The following CLDN10 variants were observed in gnomAD, a reference collection of about 807,000 sequenced individuals.
CLDN10 encodes the protein claudin 10, also known as claudin-10.
Under a neutral mutation model 22.9 loss-of-function variants are expected in CLDN10, and 15 were observed. The observed-to-expected ratio is 0.65, with a 90% confidence interval of 0.44 to 1.01. CLDN10 has a LOEUF of 1.01. Ranked by LOEUF, CLDN10 falls within the 50% of genes least tolerant of loss-of-function variation. The probability of loss-of-function intolerance (pLI) is 0.00; values close to 1 mark genes in which losing one functional copy is unlikely to be tolerated. For missense variants in CLDN10, 247 were observed against 287.8 expected (o/e 0.86, Z 1.03); for synonymous variants, 114 against 111.4 (o/e 1.02, Z -0.15).
intron 1 of CLDN10, among the ~76,000 whole-genome samples, chr13:95,446,250 A>T (rs1157601932): frequency 1.3e-5 from 2 of 152,194 alleles, no homozygotes; most frequent in Non-Finnish European, 2.9e-5. Flanking sequence ...CTGGCTGGGA[A>T]GATAGATGAG....
Position 95,531,557 on chromosome 13 carries a change from G to C in CLDN10, c.215-28575G>C, listed in dbSNP as rs541202449. On this transcript the variant is annotated intron_variant, in intron 1 of 4. Transcript: ENST00000376873. ...GTATTACCTTTTTTTTTGAGACAGG[G>C]TCTCACTCTGTCACCCAGACTGAAG... Among the ~76,000 whole-genome samples the C allele has an allele frequency of 2.6e-5, 4 of 151,868 alleles. No homozygotes were observed. In the South Asian group the frequency reaches 8.3e-4, roughly 32 times the overall value.
intron 1 of CLDN10, among the ~76,000 whole-genome samples, chr13:95,515,180 TTTGTTG>T (rs146017884): frequency 0.39 from 58,736 of 150,474 alleles, 11,704 homozygotes; most frequent in African/African-American, 0.45. Flanking sequence ...GCTAATTACG[TTTGTTG>T]TTGTTGTTGT....
Position 95,565,342 on chromosome 13 carries a change from G to A in CLDN10, c.464+4879G>A, listed in dbSNP as rs181547892. On this transcript the variant is annotated intron_variant, in intron 3 of 4. Coordinates refer to ENST00000299339, the MANE Select transcript of CLDN10 (RefSeq NM_006984.5). Reference sequence around the variant, plus strand: ...GAAACTTCTTTTCAAATCATGCAAAGTTATACGACTTAACTGATTGCTCTG... The same window carrying A: ...GAAACTTCTTTTCAAATCATGCAAAATTATACGACTTAACTGATTGCTCTG... 1.7e-3 allele frequency among the ~76,000 whole-genome samples: 265 copies of A among 152,304 alleles called. 1 individual carries two copies. Among genetic ancestry groups the A allele is most frequent in the African/African-American group, 5.9e-3 (246 of 41,560 alleles).
chr13:95,541,715 A>T (rs2043462294), intron 1 of CLDN10, among the ~76,000 whole-genome samples: 1 of 152,204 alleles, frequency 6.6e-6, no homozygotes, highest in Non-Finnish European at 1.5e-5. Context: ...ATGAACAGCA[A>T]GGTAGTGACA....
intron 1 of CLDN10, among the ~76,000 whole-genome samples, chr13:95,514,423 C>T (rs2138569210): frequency 8.4e-6 from 1 of 119,334 alleles, no homozygotes; most frequent in East Asian, 2.9e-4. Flanking sequence ...GAGCCAGTTG[C>T]TAAATGTTTA....
At chr13:95,559,666 A>G (rs1008781172) in intron 1 of CLDN10, among the ~76,000 whole-genome samples, 14 of 152,168 alleles carry the variant, frequency 9.2e-5, no homozygotes, top group African/African-American at 3.4e-4. Flanking sequence ...TGATAATGTC[A>G]AAACCATTAA....
upstream of CLDN10, among the ~76,000 whole-genome samples, chr13:95,552,115 C>T (rs1034572446): frequency 3.9e-5 from 6 of 152,362 alleles, no homozygotes; most frequent in East Asian, 1.2e-3. Flanking sequence ...TTTGCCATGA[C>T]TTTCCGCATA....
chr13:95,440,145 C>A (rs1162689804), intron 1 of CLDN10, among the ~76,000 whole-genome samples: 1 of 152,096 alleles, frequency 6.6e-6, no homozygotes, highest in Non-Finnish European at 1.5e-5. Context: ...AACTCCTGAC[C>A]TCGTGATCCA....
chr13:95,473,551 T>C lies in CLDN10; in HGVS notation c.214+39504T>C, dbSNP rs575689353. Among the ~76,000 whole-genome samples, 37 of 152,268 alleles carry C rather than the reference T, an allele frequency of 2.4e-4. No individual in the cohort carries two copies. In the South Asian group the frequency reaches 7.3e-3, roughly 30 times the overall value. ...TCCTTCAGTCTAGGCTGAGTAGTAA[T>C]AGCAAATCCCATTCACATCATATTT... On this transcript the variant is annotated intron_variant, in intron 1 of 4. Transcript: ENST00000376873.
rs754647383 is a variant in CLDN10 at position 95,578,942 on chromosome 13, T to C, written c.*928T>C. 1 of 152,226 alleles carries C rather than the reference T, an allele frequency of 6.6e-6. No individual in the cohort carries two copies. The highest frequency in any genetic ancestry group is 1.5e-5 in the Non-Finnish European group (1 of 68,070). 9.4% of individuals were successfully genotyped at this position (152,226 alleles called of 1,614,324 possible). On this transcript the variant is annotated 3_prime_UTR_variant, in exon 5 of 5. Coordinates refer to ENST00000299339, the MANE Select transcript of CLDN10 (RefSeq NM_006984.5). ...GGGCTGAGGCGTCCCTGGCACGGAATGCAGAGCCCTGAGCTAGGGCATCAG... is the reference window on the plus strand; with the variant it reads ...GGGCTGAGGCGTCCCTGGCACGGAACGCAGAGCCCTGAGCTAGGGCATCAG...
intron 1 of CLDN10, among the ~76,000 whole-genome samples, chr13:95,532,081 T>C (rs555426739): frequency 6.6e-6 from 1 of 151,940 alleles, no homozygotes; most frequent in East Asian, 1.9e-4. Flanking sequence ...TAGGAGAATA[T>C]CATCATGACT....
At chr13:95,575,878 G>A (rs187160207) in intron 3 of CLDN10, among the ~76,000 whole-genome samples, 12 of 152,286 alleles carry the variant, frequency 7.9e-5, no homozygotes, top group East Asian at 1.9e-4. Flanking sequence ...AGTGGGCCCC[G>A]TGTCCCTGAT....
rs375696180 is a variant in CLDN10 at position 95,480,169 on chromosome 13, A to G, written c.214+46122A>G. Reference sequence around the variant, plus strand: ...AGATCTTGTGAGACTCACGATCACAAAAACAGCATGGGAATGACCCGCCCC... The same window carrying G: ...AGATCTTGTGAGACTCACGATCACAGAAACAGCATGGGAATGACCCGCCCC... On this transcript the variant is annotated intron_variant, in intron 1 of 4. Coordinates refer to the CLDN10 transcript ENST00000376873. Among the ~76,000 whole-genome samples, 17 of 151,978 alleles carry G rather than the reference A, an allele frequency of 1.1e-4. No homozygotes were observed. The East Asian group carries it at 3.3e-3, about 29-fold the overall frequency.
intron 1 of CLDN10, among the ~76,000 whole-genome samples, chr13:95,532,867 C>T (rs1485976498): frequency 7.2e-6 from 1 of 138,044 alleles, no homozygotes; most frequent in Non-Finnish European, 1.5e-5. Flanking sequence ...TTAAAACATA[C>T]TGAAAGAAGC....
At chr13:95,488,740 A>ATATG (rs2042834256) in intron 1 of CLDN10, among the ~76,000 whole-genome samples, 1 of 151,756 alleles carries the variant, frequency 6.6e-6, no homozygotes, top group Non-Finnish European at 1.5e-5. Context: ...ATATATATAT[A>ATATG]TGCCACTATA....
At chr13:95,474,240 A>G (rs2042663446) in intron 1 of CLDN10, among the ~76,000 whole-genome samples, 1 of 152,120 alleles carries the variant, frequency 6.6e-6, no homozygotes, top group African/African-American at 2.4e-5. Context: ...TCTGATAAGG[A>G]GGAGGGAACC....
At chr13:95,536,717 A>C (rs1278495801) in intron 1 of CLDN10, among the ~76,000 whole-genome samples, 1 of 152,182 alleles carries the variant, frequency 6.6e-6, no homozygotes. Context: ...CTGGCTTTGC[A>C]ATGTCCTCAC....
chr13:95,465,004 G>A (rs2042570417), intron 1 of CLDN10, among the ~76,000 whole-genome samples: 1 of 152,144 alleles, frequency 6.6e-6, no homozygotes, highest in South Asian at 2.1e-4. Flanking sequence ...TAGGGTAACA[G>A]GTTGTATTAG....
intron 1 of CLDN10, among the ~76,000 whole-genome samples, chr13:95,493,076 C>T (rs2042892436): frequency 6.6e-6 from 1 of 152,096 alleles, no homozygotes; most frequent in Non-Finnish European, 1.5e-5. Flanking sequence ...GTCTGCGGCT[C>T]CTCTCAGGAT....
Sources: allele counts gnomAD v4.1 joint callset (sites outside exome capture counted in the v4.1 genomes callset), GRCh38; gene constraint gnomAD v4.1.1; transcripts MANE v1.5; gene names NCBI Gene and HGNC (gene_info 2026-07-23, HGNC 2026-07-21).